Variants in TAF12 observed in about 807,000 individuals in gnomAD.
TAF12 encodes the protein transcription initiation factor TFIID subunit 12.
Under a neutral mutation model 20.8 loss-of-function variants are expected in TAF12, and 3 were observed. That is an observed-to-expected ratio of 0.14 (90% CI 0.07 to 0.37). TAF12 has a LOEUF of 0.37. TAF12 is among the 10% of genes least tolerant of loss of function. The probability of loss-of-function intolerance (pLI) is 1.00; values close to 1 mark genes in which losing one functional copy is unlikely to be tolerated. For synonymous variants in TAF12, 69 were observed against 70.2 expected, an observed-to-expected ratio of 0.98 and a Z score of 0.09; for missense variants, 131 against 197.9, an observed-to-expected ratio of 0.66 and a Z score of 2.03.
rs761840003 is a variant in TAF12, at chr1:28,622,013, G to C, written c.69C>G (p.Ala23=). 1 of 1,614,038 alleles carries C rather than the reference G, an allele frequency of 6.2e-7. No individual in the cohort carries two copies. Residue 23 remains alanine (A), a synonymous_variant, in exon 2 of 6, where the codon GCC becomes GCG. Coordinates refer to ENST00000373824, the MANE Select transcript of TAF12 (RefSeq NM_005644.4). ...SNFSSIKPEP[A]STPPQGSMAN... is the part of the protein sequence containing the mutation. ...CCATGGAGCCTTGTGGAGGGGTGCT[G>C]GCTGGTTCCGGTTTTATGGATGAGA... is the stretch of plus-strand genomic sequence containing the variant.
At chr1:28,615,786 G>C (rs543168913) in intron 3 of TAF12, among the ~76,000 whole-genome samples, 2 of 139,092 alleles carry the variant, frequency 1.4e-5, no homozygotes. Flanking sequence ...CCAGAGAAAA[G>C]ACTTACAGAT....
intron 1 of TAF12, among the ~76,000 whole-genome samples, chr1:28,635,864 G>A (rs963481705): frequency 6.6e-6 from 1 of 151,718 alleles, no homozygotes; most frequent in East Asian, 1.9e-4. Context: ...AAGGGGAACA[G>A]AAGAAAAGGT....
chr1:28,629,694 G>A (rs2124361981), intron 1 of TAF12, among the ~76,000 whole-genome samples: 1 of 152,166 alleles, frequency 6.6e-6, no homozygotes, highest in Admixed American at 6.6e-5. Flanking sequence ...AGGCTGGAGT[G>A]CAGTGGTGAA....
chr1:28,644,124 T>C (rs4252957), upstream of TAF12, among the ~76,000 whole-genome samples: 493 of 151,930 alleles, frequency 3.2e-3, no homozygotes, highest in Non-Finnish European at 4.6e-3. Flanking sequence ...TAAGACCCAA[T>C]TCCAGCATCT....
intron 1 of TAF12, among the ~76,000 whole-genome samples, chr1:28,626,522 AG>A (rs1409315224): frequency 6.8e-6 from 1 of 147,244 alleles, no homozygotes; most frequent in Non-Finnish European, 1.5e-5. Context: ...TGGAGGTTGC[AG>A]TGGGCCGAGA....
At chr1:28,626,150 T>C (rs989768881) in intron 1 of TAF12, among the ~76,000 whole-genome samples, 1 of 151,808 alleles carries the variant, frequency 6.6e-6, no homozygotes, top group Non-Finnish European at 1.5e-5. Flanking sequence ...GGCAGATTTT[T>C]GTATTTTTAG....
intron 1 of TAF12, 169 bp downstream of exon 1, chr1:28,642,823 G>C (rs1668083053): frequency 2.0e-6 from 2 of 985,336 alleles, no homozygotes; most frequent in Non-Finnish European, 2.4e-6. Context: ...CCCCACAGCC[G>C]CGTCTTCTCC....
chr1:28,638,129 T>TA (rs1667906464), intron 1 of TAF12, among the ~76,000 whole-genome samples: 1 of 152,036 alleles, frequency 6.6e-6, no homozygotes, highest in Non-Finnish European at 1.5e-5. Flanking sequence ...GCCTCCTGAG[T>TA]AGCTGGGATT....
intron 1 of TAF12, among the ~76,000 whole-genome samples, chr1:28,641,839 A>C (rs1342469885): frequency 3.3e-5 from 5 of 151,970 alleles, no homozygotes; most frequent in Non-Finnish European, 7.4e-5. Context: ...TTGAAGATAA[A>C]GCAAAGATTC....
In TAF12 at chr1:28,608,476, G is replaced by A. The variant is rs558489899; in HGVS notation, c.362-3016C>T. Among the ~76,000 whole-genome samples the A allele has an allele frequency of 9.9e-5, 15 of 152,184 alleles. 1 individual carries two copies. In the East Asian group the frequency reaches 1.7e-3, roughly 18 times the overall value. ...TCACTTTAAAGAAAGAGAGCAGGCC[G>A]GGTGTGGTGGCTCACGGCTGCAATC... On this transcript the variant is annotated intron_variant, in intron 4 of 5. Transcript: ENST00000373824.
chr1:28,635,318 G>A (rs1270263014), intron 1 of TAF12, among the ~76,000 whole-genome samples: 1 of 84,132 alleles, frequency 1.2e-5, no homozygotes, highest in Non-Finnish European at 2.2e-5. Flanking sequence ...GAGTCTCACT[G>A]TGTCGCCCAG....
At chr1:28,640,623 GAA>G (rs958744067) in intron 1 of TAF12, among the ~76,000 whole-genome samples, 28 of 152,242 alleles carry the variant, frequency 1.8e-4, no homozygotes, top group African/African-American at 6.7e-4. Context: ...GTAGGTTTCA[GAA>G]AAAGATATTA....
chr1:28,612,757 A>G (rs1445085343), intron 4 of TAF12, among the ~76,000 whole-genome samples: 1 of 151,950 alleles, frequency 6.6e-6, no homozygotes, highest in Non-Finnish European at 1.5e-5. Context: ...ATAAAATTGT[A>G]TGTATATTAC....
At chr1:28,619,497 C>CA (rs537913364) in intron 2 of TAF12, among the ~76,000 whole-genome samples, 2,868 of 79,010 alleles carry the variant, frequency 0.036, 83 homozygotes, top group African/African-American at 0.092. Flanking sequence ...GACTCCATCT[C>CA]AAAAAAAAAA....
At chr1:28,607,711 G>A (rs1018986273) in intron 4 of TAF12, among the ~76,000 whole-genome samples, 3 of 151,740 alleles carry the variant, frequency 2.0e-5, no homozygotes, top group Non-Finnish European at 4.4e-5. Flanking sequence ...GTGGTGGTGT[G>A]CACCTGTAGT....
At chr1:28,625,624 C>G (rs999601345) in intron 1 of TAF12, among the ~76,000 whole-genome samples, 3 of 150,898 alleles carry the variant, frequency 2.0e-5, no homozygotes, top group African/African-American at 7.3e-5. Context: ...TCACTGCAAG[C>G]TCCGCCTCCT....
intron 2 of TAF12, among the ~76,000 whole-genome samples, chr1:28,618,759 G>A (rs1231212698): frequency 2.0e-5 from 3 of 151,796 alleles, no homozygotes; most frequent in Non-Finnish European, 4.4e-5. Flanking sequence ...GGCCTCTACT[G>A]TATCCTGTGT....
chr1:28,613,231 A>C lies in TAF12; in HGVS notation c.361+16T>G. Reference sequence around the variant, plus strand: ...GCAGTTGAATCCATACTTCAGGGAGAAACAAGACCACATACCTAAATGCAG... The same window carrying C: ...GCAGTTGAATCCATACTTCAGGGAGCAACAAGACCACATACCTAAATGCAG... On this transcript the variant is annotated intron_variant, in intron 4 of 5. Coordinates refer to ENST00000373824, the MANE Select transcript of TAF12 (RefSeq NM_005644.4). 6.3e-7 allele frequency: 1 copy of C among 1,593,190 alleles called. No homozygotes were observed. The highest frequency in any genetic ancestry group is 2.3e-5 in the East Asian group (1 of 44,298).
In TAF12 at chr1:28,622,068, C is replaced by A; in HGVS notation, c.14G>T (p.Gly5Val). The A allele has an allele frequency of 2.5e-6, 4 of 1,611,946 alleles. No homozygotes were observed. The highest frequency in any genetic ancestry group is 3.4e-6 in the Non-Finnish European group (4 of 1,179,594). ...GGAGAGGTTGATTAGGGCTGAGGGGCCAAACTGGTTCATAATCTGCCGAGC... is the reference window on the plus strand; with the variant it reads ...GGAGAGGTTGATTAGGGCTGAGGGGACAAACTGGTTCATAATCTGCCGAGC... Reference protein sequence around the residue: MNQFGPSALINLSNF... With the variant: MNQFVPSALINLSNF... The change falls in exon 2 of 6, where the codon GGC becomes GTC. Residue 5 changes from glycine to valine, a missense_variant. Physicochemically the swap from Gly to Val is moderately radical, Grantham distance 109. Around this residue, in one of 3 missense-constraint regions of TAF12, gnomAD observed 63 missense variants for 72.1 expected, o/e 0.87. Coordinates refer to ENST00000373824, the MANE Select transcript of TAF12 (RefSeq NM_005644.4).
Sources: allele counts gnomAD v4.1 joint callset (sites outside exome capture counted in the v4.1 genomes callset), GRCh38; gene constraint gnomAD v4.1.1; regional missense constraint gnomAD v4.1.1; transcripts MANE v1.5; gene names NCBI Gene and HGNC (gene_info 2026-07-23, HGNC 2026-07-21).